Variants in ESR1 observed in about 807,000 individuals in gnomAD.
ESR1 encodes estrogen receptor.
In ESR1, 12 loss-of-function variants were observed where a neutral mutation model predicts 52.7. The ratio of observed to expected loss-of-function variants is 0.23; its 90% CI spans 0.15 to 0.37. The LOEUF is 0.37. ESR1 is among the 10% of genes least tolerant of loss of function. The probability of loss-of-function intolerance (pLI) is 1.00; values close to 1 mark genes in which losing one functional copy is unlikely to be tolerated. For missense variants in ESR1, 584 were observed against 779.7 expected (o/e 0.75, Z 2.99); for synonymous variants, 305 against 316.8 (o/e 0.96, Z 0.39).
At chr6:152,096,536 G>A (rs547365732) in intron 7 of ESR1, 49 of 431,968 alleles carry the variant, frequency 1.1e-4, no homozygotes, top group African/African-American at 9.4e-4. Context: ...CATTACTACT[G>A]AGTGAGTGAA....
At chr6:151,678,831 T>G (rs1778350073) in intron 1 of ESR1, among the ~76,000 whole-genome samples, 1 of 151,660 alleles carries the variant, frequency 6.6e-6, no homozygotes, top group Admixed American at 6.6e-5. Flanking sequence ...GGACCACAGG[T>G]GCATGCCACC....
At chr6:151,945,831 T>C (rs2035637774) in intron 4 of ESR1, among the ~76,000 whole-genome samples, 1 of 152,238 alleles carries the variant, frequency 6.6e-6, no homozygotes, top group Non-Finnish European at 1.5e-5. Context: ...TATTTGCATC[T>C]ATCAGTATAT....
intron 5 of ESR1, among the ~76,000 whole-genome samples, chr6:152,024,273 A>G (rs1464338271): frequency 6.6e-6 from 1 of 152,100 alleles, no homozygotes; most frequent in Non-Finnish European, 1.5e-5. Flanking sequence ...AGCTTTGTTT[A>G]TAGAAGGTGC....
intron 2 of ESR1, among the ~76,000 whole-genome samples, chr6:151,709,172 A>T (rs1357159126): frequency 6.6e-6 from 1 of 151,464 alleles, no homozygotes; most frequent in African/African-American, 2.4e-5. Context: ...CCACCATTCT[A>T]CTCTCTATGT....
chr6:151,763,695 A>G (rs550005550), intron 2 of ESR1, among the ~76,000 whole-genome samples: 1 of 152,194 alleles, frequency 6.6e-6, no homozygotes, highest in East Asian at 1.9e-4. Flanking sequence ...TATTCCTGGA[A>G]GAAGGCCCAC....
chr6:151,974,905 G>C (rs2039285672), intron 4 of ESR1, among the ~76,000 whole-genome samples: 1 of 152,108 alleles, frequency 6.6e-6, no homozygotes, highest in Non-Finnish European at 1.5e-5. Context: ...TTGATCTGTT[G>C]TTCCTGTGTT....
rs892178626 is a variant in ESR1, at chr6:151,670,677, G to A, written n.73+13914G>A. On this transcript the variant is annotated intron_variant and non_coding_transcript_variant, in intron 1 of 2. Transcript: ENST00000473497. ...TGGCTCACTGCAGCCTCCACCTCCC[G>A]GAATCAAGTGATTCTCATGGCTCAG... Among the ~76,000 whole-genome samples, 10 of 152,146 alleles carry A rather than the reference G, an allele frequency of 6.6e-5. No individual in the cohort carries two copies. The South Asian group carries it at 1.2e-3, about 19-fold the overall frequency.
intron 2 of ESR1, among the ~76,000 whole-genome samples, chr6:151,872,372 A>G (rs529357599): frequency 8.5e-5 from 13 of 152,228 alleles, no homozygotes; most frequent in African/African-American, 3.1e-4. Flanking sequence ...AGAATATTTG[A>G]CTTTCTCCTC....
chr6:152,104,134 G>A (rs547024214), downstream of ESR1, among the ~76,000 whole-genome samples: 9 of 152,166 alleles, frequency 5.9e-5, no homozygotes, highest in African/African-American at 1.2e-4. Flanking sequence ...TGGAAGGACC[G>A]TGGCTGACAC....
intron 5 of ESR1, among the ~76,000 whole-genome samples, chr6:152,012,775 C>T (rs1251551010): frequency 6.6e-6 from 1 of 152,140 alleles, no homozygotes; most frequent in Non-Finnish European, 1.5e-5. Context: ...GAGAAAGAAC[C>T]ATTTTGTTGT....
At chr6:151,705,145 T>A (rs1296048640) in intron 2 of ESR1, among the ~76,000 whole-genome samples, 1 of 152,116 alleles carries the variant, frequency 6.6e-6, no homozygotes, top group African/African-American at 2.4e-5. Context: ...CTATAAATGA[T>A]ACTTAATAGA....
At chr6:151,958,825 T>C (rs1414116570) in intron 4 of ESR1, among the ~76,000 whole-genome samples, 2 of 152,176 alleles carry the variant, frequency 1.3e-5, no homozygotes. Context: ...CCCCTGTACC[T>C]CAGAACCCAG....
At chr6:151,907,884 T>C (rs1331885180) in intron 3 of ESR1, among the ~76,000 whole-genome samples, 1 of 152,204 alleles carries the variant, frequency 6.6e-6, no homozygotes, top group Non-Finnish European at 1.5e-5. Context: ...CTGTGATATA[T>C]AGAAATGTGT....
intron 6 of ESR1, among the ~76,000 whole-genome samples, chr6:152,110,118 G>A (rs559855418): frequency 5.9e-5 from 9 of 152,162 alleles, no homozygotes; most frequent in Non-Finnish European, 1.0e-4. Flanking sequence ...ACTCCCAAAG[G>A]TCAGAAATCT....
At chr6:151,972,452 C>T (rs187673862) in intron 4 of ESR1, among the ~76,000 whole-genome samples, 1 of 152,270 alleles carries the variant, frequency 6.6e-6, no homozygotes, top group East Asian at 1.9e-4. Context: ...AGATAATCAA[C>T]TATGATCAGG....
At chr6:152,023,645 C>G (rs897641430) in intron 5 of ESR1, among the ~76,000 whole-genome samples, 7 of 152,132 alleles carry the variant, frequency 4.6e-5, no homozygotes, top group African/African-American at 1.4e-4. Context: ...ATTTAGAGTC[C>G]AAACAAGTTC....
chr6:152,004,137 A>T (rs912084254), intron 4 of ESR1, among the ~76,000 whole-genome samples: 3 of 152,006 alleles, frequency 2.0e-5, no homozygotes, highest in Non-Finnish European at 4.4e-5. Flanking sequence ...AAATAATCAA[A>T]TACTAGTGGG....
intron 3 of ESR1, among the ~76,000 whole-genome samples, chr6:151,922,749 CTTG>C (rs1265383872): frequency 1.3e-5 from 2 of 152,116 alleles, no homozygotes; most frequent in South Asian, 2.1e-4. Context: ...TGTTGGTGTA[CTTG>C]TTGTTATTGT....
At chr6:151,906,705 A>G (rs972651423) in intron 3 of ESR1, among the ~76,000 whole-genome samples, 2 of 146,038 alleles carry the variant, frequency 1.4e-5, no homozygotes, top group Non-Finnish European at 3.0e-5. Context: ...AATGTCATCT[A>G]GTATGCAGCT....
Sources: gnomAD v4.1 joint callset for allele counts (sites outside exome capture counted in the v4.1 genomes callset) on GRCh38, gnomAD v4.1.1 for gene constraint, MANE v1.5 for transcripts, NCBI Gene and HGNC (gene_info 2026-07-23, HGNC 2026-07-21) for gene names.